The following PRSS23 variants were observed in gnomAD, a reference collection of about 807,000 sequenced individuals.
The protein encoded by PRSS23 is serine protease 23.
In PRSS23, 25 loss-of-function variants were observed where a neutral mutation model predicts 34.7. The ratio of observed to expected loss-of-function variants is 0.72; its 90% CI spans 0.53 to 1.01. PRSS23 has a LOEUF of 1.01. PRSS23 is among the 50% of genes least tolerant of loss of function. The pLI, the probability that PRSS23 is intolerant of heterozygous loss-of-function variation, is 0.00. For missense variants in PRSS23, 445 were observed against 475.6 expected (o/e 0.94, Z 0.60); for synonymous variants, 176 against 186.6 (o/e 0.94, Z 0.46).
intron 2 of PRSS23, among the ~76,000 whole-genome samples, chr11:86,876,772 C>A (rs878956945): frequency 6.6e-6 from 1 of 151,868 alleles, no homozygotes; most frequent in East Asian, 1.9e-4. Flanking sequence ...TTCAAAGCAA[C>A]CTATGGGCCC....
At chr11:86,861,152 G>C (rs1948610638) in intron 2 of PRSS23, among the ~76,000 whole-genome samples, 1 of 151,402 alleles carries the variant, frequency 6.6e-6, no homozygotes, top group African/African-American at 2.4e-5. Context: ...TAATATCCAG[G>C]GGGAGAGGAA....
chr11:86,889,617 T>C (rs74965004), intron 2 of PRSS23, among the ~76,000 whole-genome samples: 21,916 of 152,150 alleles, frequency 0.14, 2,065 homozygotes, highest in Non-Finnish European at 0.21. Context: ...CCTAATCAGC[T>C]CCTAAAGGCC....
chr11:86,940,223 T>C (rs1949197831), intron 2 of PRSS23, among the ~76,000 whole-genome samples: 1 of 152,190 alleles, frequency 6.6e-6, no homozygotes, highest in South Asian at 2.1e-4. Context: ...AAACTCAAGA[T>C]CTCCAGGGCT....
chr11:86,831,412 G>A (rs1299560724), intron 2 of PRSS23, among the ~76,000 whole-genome samples: 2 of 151,530 alleles, frequency 1.3e-5, no homozygotes, highest in Non-Finnish European at 1.5e-5. Flanking sequence ...ATCCTAGTGG[G>A]ATGATACTCC....
intron 2 of PRSS23, chr11:86,939,127 G>A (rs1476379091): frequency 7.6e-6 from 3 of 397,118 alleles, no homozygotes; most frequent in Non-Finnish European, 1.5e-5. Context: ...CCAGAAACAC[G>A]TAAGGGAAAC....
intron 1 of PRSS23, chr11:86,823,324 T>G: frequency 4.3e-6 from 3 of 693,420 alleles, no homozygotes; most frequent in Non-Finnish European, 7.9e-6. Flanking sequence ...TAACCTAATT[T>G]AGTGTAAAGC....
At chr11:86,851,541 C>G (rs1472078818) in intron 2 of PRSS23, among the ~76,000 whole-genome samples, 8 of 152,204 alleles carry the variant, frequency 5.3e-5, no homozygotes, top group Non-Finnish European at 1.2e-4. Flanking sequence ...GAGGACTGGC[C>G]AAATGCCATG....
chr11:86,823,762 T>A (rs1948272618), intron 2 of PRSS23, among the ~76,000 whole-genome samples: 1 of 151,916 alleles, frequency 6.6e-6, no homozygotes, highest in African/African-American at 2.4e-5. Flanking sequence ...ATCCCAGCAT[T>A]TTGGGAGGCC....
chr11:86,842,240 T>C (rs936892429), intron 2 of PRSS23, among the ~76,000 whole-genome samples: 1 of 152,216 alleles, frequency 6.6e-6, no homozygotes, highest in Non-Finnish European at 1.5e-5. Context: ...CAGACCTTCA[T>C]GCTAAAAACT....
Position 86,810,974 on chromosome 11 carries a change from T to C in PRSS23, c.*2179T>C, listed in dbSNP as rs1303352426. ...GTGCTTTACATGTGTTAGTTATACA[T>C]ATTAGAAGCATATTTGCCTAGTAAG... On this transcript the variant is annotated 3_prime_UTR_variant, in exon 2 of 2. Coordinates refer to ENST00000280258, the MANE Select transcript of PRSS23 (RefSeq NM_007173.6). 1 of 166,784 alleles carries C rather than the reference T, an allele frequency of 6.0e-6. No individual in the cohort carries two copies. Among genetic ancestry groups the C allele is most frequent in the African/African-American group, 2.4e-5 (1 of 41,454 alleles). The allele number at this position is 166,784 out of a possible 1,614,324, so 10.3% of individuals were successfully genotyped here. A position where few individuals can be genotyped will look rare whatever the true frequency, so the allele number is the denominator to read the frequency against.
At chr11:86,832,034 C>T (rs950201590) in intron 2 of PRSS23, among the ~76,000 whole-genome samples, 2 of 151,276 alleles carry the variant, frequency 1.3e-5, no homozygotes, top group African/African-American at 2.4e-5. Context: ...TCATAATATC[C>T]GAGGTAAATG....
intron 2 of PRSS23, chr11:86,837,258 G>C (rs1455447268): frequency 6.6e-6 from 1 of 152,200 alleles, no homozygotes; most frequent in Non-Finnish European, 1.5e-5. Context: ...CCTTGATTTA[G>C]AACATTTATA....
chr11:86,838,593 C>T (rs1199364510), intron 2 of PRSS23, among the ~76,000 whole-genome samples: 2 of 152,350 alleles, frequency 1.3e-5, no homozygotes, highest in East Asian at 1.9e-4. Context: ...TTAAACATCC[C>T]TGTCTGACAG....
chr11:86,816,849 C>T (rs2135611103), intron 1 of PRSS23, among the ~76,000 whole-genome samples: 1 of 152,316 alleles, frequency 6.6e-6, no homozygotes, highest in East Asian at 1.9e-4. Context: ...CGATCAGCCT[C>T]TTTATGCTTT....
At chr11:86,859,007 C>G (rs1271583904) in intron 2 of PRSS23, among the ~76,000 whole-genome samples, 2 of 151,752 alleles carry the variant, frequency 1.3e-5, no homozygotes, top group African/African-American at 2.4e-5. Flanking sequence ...ATACTACTCC[C>G]AATATCGCAG....
At position 86,839,732 on chromosome 11, in the gene PRSS23, A is replaced by G. The variant is rs539520840; in HGVS notation, c.206+16139A>G. On this transcript the variant is annotated intron_variant, in intron 2 of 2. Transcript: ENST00000533902. ...TCAAGCTACCCAGAAAGGAAAGTGCATCAGACTAACAGCAGATCTCTTGGC... is the reference window on the plus strand; with the variant it reads ...TCAAGCTACCCAGAAAGGAAAGTGCGTCAGACTAACAGCAGATCTCTTGGC... Among the ~76,000 whole-genome samples, 10 of 152,024 alleles carry G rather than the reference A, an allele frequency of 6.6e-5. No individual in the cohort carries two copies. In the East Asian group the frequency reaches 1.5e-3, roughly 23 times the overall value.
At chr11:86,859,608 G>C (rs542838392) in intron 2 of PRSS23, among the ~76,000 whole-genome samples, 1 of 151,972 alleles carries the variant, frequency 6.6e-6, no homozygotes, top group East Asian at 1.9e-4. Context: ...ATTACTCCCA[G>C]TATCACAGTG....
intron 2 of PRSS23, among the ~76,000 whole-genome samples, chr11:86,879,105 T>A: frequency 7.1e-6 from 1 of 140,882 alleles, no homozygotes; most frequent in South Asian, 2.4e-4. Context: ...GAGGAGCACC[T>A]CTTCCCGGCC....
intron 2 of PRSS23, among the ~76,000 whole-genome samples, chr11:86,859,305 C>T (rs898499034): frequency 3.9e-5 from 6 of 151,912 alleles, no homozygotes; most frequent in African/African-American, 7.3e-5. Flanking sequence ...CTTTCAATAC[C>T]GCAGAGGGTG....
Sources: gnomAD v4.1 joint callset for allele counts (sites outside exome capture counted in the v4.1 genomes callset) on GRCh38, gnomAD v4.1.1 for gene constraint, MANE v1.5 for transcripts, NCBI Gene and HGNC (gene_info 2026-07-23, HGNC 2026-07-21) for gene names.